Variants in KDM4C observed in about 807,000 individuals in gnomAD.
KDM4C encodes lysine demethylase 4C, also known as lysine-specific demethylase 4C.
KDM4C carries 81 observed loss-of-function variants against 129.3 expected under a neutral mutation model. That is an observed-to-expected ratio of 0.63 (90% CI 0.52 to 0.75). The LOEUF (loss-of-function observed/expected upper bound fraction) is 0.75, where lower values mean the gene tolerates loss of function less well. KDM4C is among the 30% of genes least tolerant of loss of function. The probability of loss-of-function intolerance (pLI) is 0.00; values close to 1 mark genes in which losing one functional copy is unlikely to be tolerated. For synonymous variants in KDM4C, 573 were observed against 456.1 expected, an observed-to-expected ratio of 1.26 and a Z score of -3.26; for missense variants, 1,457 against 1,304.0, an observed-to-expected ratio of 1.12 and a Z score of -1.81.
At chr9:6,927,512 A>G (rs1224542518) in intron 8 of KDM4C, among the ~76,000 whole-genome samples, 1 of 152,136 alleles carries the variant, frequency 6.6e-6, no homozygotes, top group Non-Finnish European at 1.5e-5. Context: ...CTGTGGTGAT[A>G]ATGGAATTGA....
intron 4 of KDM4C, among the ~76,000 whole-genome samples, chr9:6,820,474 C>A (rs1460457430): frequency 6.6e-6 from 1 of 152,120 alleles, no homozygotes; most frequent in African/African-American, 2.4e-5. Flanking sequence ...TGGATCTGAC[C>A]CATGGCCCCA....
intron 8 of KDM4C, among the ~76,000 whole-genome samples, chr9:6,940,640 G>A (rs529541936): frequency 1.1e-4 from 17 of 152,054 alleles, no homozygotes; most frequent in South Asian, 6.2e-4. Context: ...GAAAAAAAAC[G>A]TAGCCACCAT....
At chr9:7,109,745 T>C (rs1838106352) in intron 18 of KDM4C, among the ~76,000 whole-genome samples, 1 of 152,150 alleles carries the variant, frequency 6.6e-6, no homozygotes, top group Non-Finnish European at 1.5e-5. Flanking sequence ...ATGTTCTTGC[T>C]CCCCTTGGAC....
At chr9:6,995,267 A>G (rs1016095280) in intron 12 of KDM4C, among the ~76,000 whole-genome samples, 1 of 151,834 alleles carries the variant, frequency 6.6e-6, no homozygotes, top group Non-Finnish European at 1.5e-5. Flanking sequence ...TGCAGTTTGT[A>G]TTTCTGTTGC....
chr9:6,854,531 A>C (rs1839426094), intron 5 of KDM4C, among the ~76,000 whole-genome samples: 1 of 145,716 alleles, frequency 6.9e-6, no homozygotes, highest in South Asian at 2.1e-4. Context: ...GTCTCAAAAA[A>C]AAAAAAAAAA....
intron 17 of KDM4C, among the ~76,000 whole-genome samples, chr9:7,053,451 T>C (rs1830481179): frequency 6.6e-6 from 1 of 152,206 alleles, no homozygotes; most frequent in Non-Finnish European, 1.5e-5. Flanking sequence ...GGTGCTCTTC[T>C]GTGGATTTAT....
intron 8 of KDM4C, among the ~76,000 whole-genome samples, chr9:6,961,126 T>A (rs563057991): frequency 2.8e-4 from 43 of 152,326 alleles, no homozygotes; most frequent in Admixed American, 8.5e-4. Context: ...ATGTCAGCAT[T>A]GTGAGTTTGC....
In KDM4C at chr9:6,873,445, G is replaced by C. The variant is rs138531462; in HGVS notation, c.630-6567G>C. Reference sequence around the variant, plus strand: ...CCACCTTCATTAATGATCTTAGCTAGATTTTCATAATTTGCTGCAATGTCT... The same window carrying C: ...CCACCTTCATTAATGATCTTAGCTACATTTTCATAATTTGCTGCAATGTCT... On this transcript the variant is annotated intron_variant, in intron 5 of 21. Transcript: ENST00000381309. Among the ~76,000 whole-genome samples, 51 of 152,330 alleles carry C rather than the reference G, an allele frequency of 3.3e-4. No homozygotes were observed. In the East Asian group the frequency reaches 8.1e-3, roughly 24 times the overall value.
intron 8 of KDM4C, among the ~76,000 whole-genome samples, chr9:6,937,832 C>G (rs1341004974): frequency 2.0e-5 from 3 of 152,128 alleles, no homozygotes; most frequent in African/African-American, 7.2e-5. Context: ...CTGCCCCAGC[C>G]TCCTGAGTAG....
chr9:7,133,053 G>A (rs1840813160), intron 19 of KDM4C, among the ~76,000 whole-genome samples: 1 of 152,168 alleles, frequency 6.6e-6, no homozygotes, highest in Non-Finnish European at 1.5e-5. Flanking sequence ...TGCAAACTGA[G>A]GTTCTTGCAG....
At chr9:6,782,104 G>T (rs186621236) in intron 1 of KDM4C, among the ~76,000 whole-genome samples, 5 of 152,338 alleles carry the variant, frequency 3.3e-5, no homozygotes, top group African/African-American at 1.2e-4. Context: ...GATTACAGGT[G>T]TGAGCCACCA....
At position 6,770,917 on chromosome 9, in the gene KDM4C, A is replaced by G. The variant is rs546495062; in HGVS notation, c.-18+12714A>G. ...CAGCCTCCAGAGTAGCTGGGACTAC[A>G]GGTGCATGCCACCACTCCCAGCTAA... On this transcript the variant is annotated intron_variant, in intron 1 of 21. Coordinates refer to ENST00000381309, the MANE Select transcript of KDM4C (RefSeq NM_015061.6). Among the ~76,000 whole-genome samples the G allele has an allele frequency of 3.2e-3, 491 of 151,330 alleles. 3 individuals carry two copies. Among genetic ancestry groups the G allele is most frequent in the African/African-American group, 0.011 (472 of 41,264 alleles).
intron 1 of KDM4C, among the ~76,000 whole-genome samples, chr9:6,785,503 A>T (rs982765774): frequency 6.6e-6 from 1 of 151,810 alleles, no homozygotes; most frequent in African/African-American, 2.4e-5. Context: ...TGCCTGGCTA[A>T]TTTTTTTGTA....
chr9:6,783,990 G>T (rs1824923859), intron 1 of KDM4C, among the ~76,000 whole-genome samples: 1 of 152,136 alleles, frequency 6.6e-6, no homozygotes, highest in Admixed American at 6.5e-5. Flanking sequence ...GCCTTTGAAA[G>T]TTATATGGGA....
Position 6,797,730 on chromosome 9 carries a change from A to G in KDM4C, c.144+4598A>G, listed in dbSNP as rs138075539. ...TGCTCACAAGGTGAAGAAAGATTAT[A>G]AGAAGCACCACTCTTTCTCTTCCTC... On this transcript the variant is annotated intron_variant, in intron 2 of 21. Coordinates refer to ENST00000381309, the MANE Select transcript of KDM4C (RefSeq NM_015061.6). 1.3e-3 allele frequency among the ~76,000 whole-genome samples: 195 copies of G among 152,320 alleles called. 1 individual carries two copies. Among genetic ancestry groups the G allele is most frequent in the Non-Finnish European group, 2.0e-3 (139 of 68,020 alleles).
At chr9:6,905,409 C>T (rs1414380675) in intron 8 of KDM4C, among the ~76,000 whole-genome samples, 2 of 152,136 alleles carry the variant, frequency 1.3e-5, no homozygotes, top group Non-Finnish European at 2.9e-5. Flanking sequence ...TGCCTTACAA[C>T]TACAGCCATT....
chr9:6,835,245 CT>C, intron 4 of KDM4C: 1 of 908,282 alleles, frequency 1.1e-6, no homozygotes, highest in Non-Finnish European at 1.9e-6. Context: ...TCCAGCTTTC[CT>C]TCCTGGGCAT....
chr9:6,862,839 C>CAAACAAAA (rs1422210195), intron 5 of KDM4C, among the ~76,000 whole-genome samples: 1 of 149,102 alleles, frequency 6.7e-6, no homozygotes, highest in Non-Finnish European at 1.5e-5. Context: ...AACAAACAAA[C>CAAACAAAA]AAAAAACAAA....
chr9:6,956,204 G>C (rs1023849501), intron 8 of KDM4C, among the ~76,000 whole-genome samples: 1 of 152,166 alleles, frequency 6.6e-6, no homozygotes, highest in African/African-American at 2.4e-5. Context: ...GGTGACTATA[G>C]TCGATAATAA....
Sources: allele counts gnomAD v4.1 joint callset (sites outside exome capture counted in the v4.1 genomes callset), GRCh38; gene constraint gnomAD v4.1.1; transcripts MANE v1.5; gene names NCBI Gene and HGNC (gene_info 2026-07-23, HGNC 2026-07-21).